RGS7: variants seen among roughly 807,000 people sequenced by gnomAD.
RGS7 encodes regulator of G protein signaling 7, also known as regulator of G-protein signaling 7.
Under a neutral mutation model 81.1 loss-of-function variants are expected in RGS7, and 27 were observed. That is an observed-to-expected ratio of 0.33 (90% confidence interval 0.25 to 0.46). RGS7 has a LOEUF of 0.46. Ranked by LOEUF, RGS7 falls within the 20% of genes least tolerant of loss-of-function variation. The pLI is 1.00. For missense variants in RGS7, 396 were observed against 607.4 expected (o/e 0.65, Z 3.66); for synonymous variants, 208 against 207.7 (o/e 1.00, Z -0.01).
intron 2 of RGS7, among the ~76,000 whole-genome samples, chr1:241,168,318 A>G (rs1248601309): frequency 6.6e-6 from 1 of 152,202 alleles, no homozygotes; most frequent in African/African-American, 2.4e-5. Flanking sequence ...ATTTGATGAG[A>G]TTGAAGAGAA....
chr1:241,314,152 T>C (rs1384805744), intron 2 of RGS7, among the ~76,000 whole-genome samples: 4 of 152,262 alleles, frequency 2.6e-5, no homozygotes, highest in African/African-American at 4.8e-5. Context: ...CCTGACAGAA[T>C]TGACTTCAAT....
intron 3 of RGS7, among the ~76,000 whole-genome samples, chr1:241,030,653 C>T (rs146580473): frequency 5.3e-5 from 8 of 152,008 alleles, no homozygotes; most frequent in African/African-American, 1.7e-4. Context: ...TCTCTCCTGT[C>T]GACCATTCTA....
chr1:240,828,744 G>A (rs930388040), intron 9 of RGS7, among the ~76,000 whole-genome samples: 4 of 152,308 alleles, frequency 2.6e-5, no homozygotes, highest in South Asian at 2.1e-4. Context: ...CCAAGATTGC[G>A]CCAATGCACG....
intron 3 of RGS7, among the ~76,000 whole-genome samples, chr1:241,028,267 A>C (rs1157886461): frequency 6.6e-6 from 1 of 152,236 alleles, no homozygotes; most frequent in Non-Finnish European, 1.5e-5. Context: ...TGGATTGGGA[A>C]TCCAAATCAA....
intron 2 of RGS7, among the ~76,000 whole-genome samples, chr1:241,210,012 G>A (rs1356333883): frequency 6.6e-6 from 1 of 152,052 alleles, no homozygotes; most frequent in African/African-American, 2.4e-5. Context: ...AAGTATTAAT[G>A]TGATCTTAGA....
At chr1:241,000,881 T>C (rs1317261038) in intron 3 of RGS7, among the ~76,000 whole-genome samples, 1 of 149,134 alleles carries the variant, frequency 6.7e-6, no homozygotes, top group Non-Finnish European at 1.5e-5. Flanking sequence ...GGTCTCGAAC[T>C]CCTGACCTCA....
chr1:241,249,305 GA>G (rs1191680775), intron 2 of RGS7, among the ~76,000 whole-genome samples: 4 of 147,798 alleles, frequency 2.7e-5, no homozygotes, highest in Admixed American at 1.3e-4. Context: ...TAAAGGTCAA[GA>G]TTTTTTTTTT....
intron 9 of RGS7, among the ~76,000 whole-genome samples, chr1:240,831,009 T>A (rs1013977303): frequency 1.3e-5 from 2 of 152,166 alleles, no homozygotes; most frequent in African/African-American, 4.8e-5. Context: ...ACACCACTAA[T>A]CAGCAAATTA....
At chr1:241,122,664 A>G (rs1163315104) in intron 2 of RGS7, among the ~76,000 whole-genome samples, 1 of 150,170 alleles carries the variant, frequency 6.7e-6, no homozygotes, top group African/African-American at 2.4e-5. Flanking sequence ...ACTCCATCAC[A>G]AAAAGAAAAA....
At chr1:241,287,590 C>G (rs1388774906) in intron 2 of RGS7, among the ~76,000 whole-genome samples, 1 of 152,148 alleles carries the variant, frequency 6.6e-6, no homozygotes, top group Non-Finnish European at 1.5e-5. Context: ...AGTGTGAAAA[C>G]AGACTAACAC....
chr1:241,336,762 G>C (rs898051983), intron 2 of RGS7, among the ~76,000 whole-genome samples: 1 of 152,138 alleles, frequency 6.6e-6, no homozygotes, highest in African/African-American at 2.4e-5. Flanking sequence ...ACGCCTTATT[G>C]CTTGCATAAC....
rs1045397083 is a variant in RGS7 at position 241,220,839 on chromosome 1, C to T, written c.79-122077G>A. Among the ~76,000 whole-genome samples, 5 of 151,316 alleles carry T rather than the reference C, an allele frequency of 3.3e-5. No individual in the cohort carries two copies. In the East Asian group the frequency reaches 5.8e-4, roughly 18 times the overall value. On this transcript the variant is annotated intron_variant, in intron 2 of 18. Coordinates refer to ENST00000440928, the MANE Select transcript of RGS7 (RefSeq NM_001364886.1). Reference sequence around the variant, plus strand: ...TGGCTTGAGCTAAGAAGTTTGAGGCCGCAGTGAGCTATGTTTGCACCACTG... The same window carrying T: ...TGGCTTGAGCTAAGAAGTTTGAGGCTGCAGTGAGCTATGTTTGCACCACTG...
intron 3 of RGS7, among the ~76,000 whole-genome samples, chr1:241,032,546 G>C (rs2060130628): frequency 1.3e-5 from 2 of 152,110 alleles, no homozygotes; most frequent in Non-Finnish European, 2.9e-5. Context: ...GAATTGCATT[G>C]AATCTGTAGA....
At chr1:241,008,373 G>A (rs760417349) in intron 3 of RGS7, among the ~76,000 whole-genome samples, 15 of 151,986 alleles carry the variant, frequency 9.9e-5, no homozygotes, top group African/African-American at 2.9e-4. Flanking sequence ...TATAAATCAC[G>A]TTGTTAAAAT....
chr1:241,203,109 T>C (rs1163150099), intron 2 of RGS7, among the ~76,000 whole-genome samples: 2 of 152,126 alleles, frequency 1.3e-5, no homozygotes, highest in Non-Finnish European at 2.9e-5. Context: ...ACCTAGAAAA[T>C]TATTTTACCT....
At chr1:241,140,413 G>A (rs1243323712) in intron 2 of RGS7, among the ~76,000 whole-genome samples, 1 of 152,086 alleles carries the variant, frequency 6.6e-6, no homozygotes, top group Non-Finnish European at 1.5e-5. Context: ...CCCTTCTGGA[G>A]AGAGCTTCTT....
chr1:240,940,059 G>A (rs973889191), intron 4 of RGS7, among the ~76,000 whole-genome samples: 13 of 152,092 alleles, frequency 8.5e-5, no homozygotes, highest in African/African-American at 2.7e-4. Flanking sequence ...CAGCCTGGGC[G>A]ACAGAACAAC....
intron 4 of RGS7, 59 bp downstream of exon 4, chr1:240,983,020 A>G: frequency 1.1e-6 from 1 of 951,916 alleles, no homozygotes; most frequent in Non-Finnish European, 1.7e-6. Flanking sequence ...CCCTGATGAA[A>G]CATATTTCTT....
chr1:241,031,555 C>A (rs570016105), intron 3 of RGS7, among the ~76,000 whole-genome samples: 1 of 152,284 alleles, frequency 6.6e-6, no homozygotes. Context: ...AATCTCCATA[C>A]TGTTTTCCAT....
Sources: allele counts gnomAD v4.1 joint callset (sites outside exome capture counted in the v4.1 genomes callset), GRCh38; gene constraint gnomAD v4.1.1; transcripts MANE v1.5; gene names NCBI Gene and HGNC (gene_info 2026-07-23, HGNC 2026-07-21).